Variants in CTNNA3 observed in about 807,000 individuals in gnomAD.
The protein encoded by CTNNA3 is catenin alpha 3.
A neutral mutation model predicts 95.7 loss-of-function variants in CTNNA3; 76 were observed. That is an observed-to-expected ratio of 0.79 (90% confidence interval 0.66 to 0.96). CTNNA3 has a LOEUF of 0.96. Ranked by LOEUF, CTNNA3 falls within the 40% of genes least tolerant of loss-of-function variation. The pLI is 0.00. For missense variants in CTNNA3, 1,191 were observed against 1,089.8 expected (o/e 1.09, Z -1.31); for synonymous variants, 431 against 374.4 (o/e 1.15, Z -1.74).
At chr10:67,200,326 T>C (rs773066009) in intron 6 of CTNNA3, among the ~76,000 whole-genome samples, 2 of 152,104 alleles carry the variant, frequency 1.3e-5, no homozygotes, top group Non-Finnish European at 2.9e-5. Context: ...AAAATAGAAA[T>C]TCTTACTATT....
At chr10:66,508,188 T>TTG (rs1554808270) in intron 11 of CTNNA3, among the ~76,000 whole-genome samples, 2,694 of 144,986 alleles carry the variant, frequency 0.019, 104 homozygotes, top group African/African-American at 0.065. Context: ...TTGTTTTTTT[T>TTG]TTTTGTTTTG....
chr10:66,418,260 A>G (rs2093162817), intron 11 of CTNNA3, among the ~76,000 whole-genome samples: 2 of 151,820 alleles, frequency 1.3e-5, no homozygotes. Context: ...CTAACAAACT[A>G]GAGAATCTAG....
chr10:65,948,273 T>C (rs1306496593), intron 17 of CTNNA3, among the ~76,000 whole-genome samples: 4 of 102,504 alleles, frequency 3.9e-5, no homozygotes, highest in African/African-American at 1.3e-4. Context: ...AGAGCGAGAC[T>C]CCATCTCAAA....
intron 7 of CTNNA3, among the ~76,000 whole-genome samples, chr10:66,889,152 G>A (rs559599757): frequency 3.9e-5 from 6 of 152,254 alleles, no homozygotes; most frequent in South Asian, 4.1e-4. Context: ...CAACTATAAC[G>A]TTCTTGGAAA....
intron 1 of CTNNA3, among the ~76,000 whole-genome samples, chr10:67,717,465 C>T (rs1043239696): frequency 1.3e-5 from 2 of 151,832 alleles, no homozygotes; most frequent in African/African-American, 2.4e-5. Flanking sequence ...TATATTTAAG[C>T]CTTTAATCCA....
At chr10:67,203,226 A>G (rs1304615341) in intron 6 of CTNNA3, among the ~76,000 whole-genome samples, 3 of 152,116 alleles carry the variant, frequency 2.0e-5, no homozygotes, top group Non-Finnish European at 4.4e-5. Context: ...TCATGGGGGC[A>G]GTTTCCCCCA....
intron 12 of CTNNA3, among the ~76,000 whole-genome samples, chr10:66,365,522 A>T (rs1206587749): frequency 3.3e-5 from 5 of 152,168 alleles, no homozygotes; most frequent in Non-Finnish European, 7.3e-5. Context: ...GTAACCCAGA[A>T]CTTAAAGTAT....
rs879768260 is a variant in CTNNA3 at position 66,115,582 on chromosome 10, TA to T, written c.1885-12334del. ...GATAGATAGATAGACAGATAGATGA[TA>T]GATAGATAGAGATAGAGATAGAGAT... On this transcript the variant is annotated intron_variant, in intron 13 of 17. Transcript: ENST00000433211. Among the ~76,000 whole-genome samples the T allele has an allele frequency of 6.7e-4, 87 of 130,146 alleles. 1 individual carries two copies. Among genetic ancestry groups the T allele is most frequent in the African/African-American group, 2.0e-3 (72 of 35,384 alleles). The allele number at this position is 130,146 out of a possible 152,430, so 85.4% of individuals were successfully genotyped here. A position where few individuals can be genotyped will look rare whatever the true frequency, so the allele number is the denominator to read the frequency against.
chr10:66,927,242 G>T lies in CTNNA3; in HGVS notation c.1048-151718C>A. On this transcript the variant is annotated intron_variant, in intron 7 of 17. Coordinates refer to ENST00000433211, the MANE Select transcript of CTNNA3 (RefSeq NM_013266.4). The surrounding 1 kb of genome is among the most constrained non-coding windows in gnomAD (Gnocchi z 4.7). ...GACGAAAATGCTTTTAATGGAATAC[G>T]CAGACTCAAAGAGCTGATTCTTAGT... 3.7e-6 allele frequency: 6 copies of T among 1,614,000 alleles called. No homozygotes were observed. The Middle Eastern group carries it at 6.6e-4, about 177-fold the overall frequency.
intron 1 of CTNNA3, among the ~76,000 whole-genome samples, chr10:67,706,106 C>T (rs1015072930): frequency 6.6e-6 from 1 of 151,960 alleles, no homozygotes; most frequent in African/African-American, 2.4e-5. Context: ...ATCTACTGGG[C>T]AGTCAAGCTG....
At chr10:67,125,581 T>C (rs1259828868) in intron 7 of CTNNA3, among the ~76,000 whole-genome samples, 4 of 152,156 alleles carry the variant, frequency 2.6e-5, no homozygotes, top group Admixed American at 2.6e-4. Context: ...TGTCAGTATC[T>C]CCACTTATAA....
intron 7 of CTNNA3, among the ~76,000 whole-genome samples, chr10:67,110,267 A>T (rs1401697017): frequency 6.6e-6 from 1 of 152,154 alleles, no homozygotes; most frequent in Non-Finnish European, 1.5e-5. Context: ...CTATAAATTA[A>T]ATTATAACAA....
At position 66,710,681 on chromosome 10, in the gene CTNNA3, ATT is replaced by A. The variant is rs555226189; in HGVS notation, c.1281+55581_1281+55582del. 7.2e-5 allele frequency among the ~76,000 whole-genome samples: 11 copies of A among 151,876 alleles called. No individual in the cohort carries two copies. The East Asian group carries it at 2.1e-3, about 29-fold the overall frequency. Reference sequence around the variant, plus strand: ...TAATTATATATAAATCTCTTTAATAATTTTTTTCCTAAAGTTATCTCTGTGAT... The same window carrying A: ...TAATTATATATAAATCTCTTTAATAATTTTTCCTAAAGTTATCTCTGTGAT... On this transcript the variant is annotated intron_variant, in intron 9 of 17. Coordinates refer to ENST00000433211, the MANE Select transcript of CTNNA3 (RefSeq NM_013266.4).
At position 66,217,800 on chromosome 10, in the gene CTNNA3, A is replaced by G. The variant is rs2088651332; in HGVS notation, c.1884+62670T>C. ...TACTATATTTGGATAAACAGTATCC[A>G]TGATGGCTGTGGTAGGGATAGAGAC... On this transcript the variant is annotated intron_variant, in intron 13 of 17. Coordinates refer to ENST00000433211, the MANE Select transcript of CTNNA3 (RefSeq NM_013266.4). 2.0e-5 allele frequency among the ~76,000 whole-genome samples: 3 copies of G among 152,344 alleles called. No homozygotes were observed. The South Asian group carries it at 6.2e-4, about 32-fold the overall frequency.
intron 7 of CTNNA3, among the ~76,000 whole-genome samples, chr10:66,949,490 G>A (rs1277577225): frequency 6.6e-6 from 1 of 151,896 alleles, no homozygotes; most frequent in African/African-American, 2.4e-5. Context: ...CCCAGGAGGC[G>A]GAGGTTGCAG....
At chr10:67,603,636 A>G (rs2133373240) in intron 3 of CTNNA3, among the ~76,000 whole-genome samples, 1 of 152,166 alleles carries the variant, frequency 6.6e-6, no homozygotes, top group East Asian at 1.9e-4. Flanking sequence ...TGTAAAAAAG[A>G]AAAAAACTTA....
intron 13 of CTNNA3, among the ~76,000 whole-genome samples, chr10:66,197,916 A>T (rs1440050039): frequency 6.6e-6 from 1 of 152,226 alleles, no homozygotes; most frequent in Non-Finnish European, 1.5e-5. Context: ...AAGAAGTAAC[A>T]TACGAGAGAA....
At chr10:66,399,706 T>A (rs150213299) in intron 11 of CTNNA3, among the ~76,000 whole-genome samples, 3 of 152,144 alleles carry the variant, frequency 2.0e-5, no homozygotes, top group Admixed American at 6.6e-5. Flanking sequence ...AATATCATTA[T>A]ATTTTCAATG....
At chr10:66,309,653 TC>T (rs2091981094) in intron 12 of CTNNA3, among the ~76,000 whole-genome samples, 1 of 116,812 alleles carries the variant, frequency 8.6e-6, no homozygotes, top group African/African-American at 3.4e-5. Context: ...GCCACTGCAC[TC>T]CAGCCTAGGC....
Sources: gnomAD v4.1 joint callset for allele counts (sites outside exome capture counted in the v4.1 genomes callset) on GRCh38, gnomAD v4.1.1 for gene constraint, Gnocchi (gnomAD v3.1) non-coding constraint, MANE v1.5 for transcripts, NCBI Gene and HGNC (gene_info 2026-07-23, HGNC 2026-07-21) for gene names.